OTUD7B: variants seen among roughly 807,000 people sequenced by gnomAD.
The protein encoded by OTUD7B is OTU domain-containing protein 7B.
A neutral mutation model predicts 82.2 loss-of-function variants in OTUD7B; 34 were observed. The observed-to-expected ratio is 0.41, with a 90% CI of 0.31 to 0.55. The LOEUF is 0.55. OTUD7B is among the 20% of genes least tolerant of loss of function. The pLI is 0.20. For synonymous variants in OTUD7B, 398 were observed against 402.7 expected (o/e 0.99, Z 0.14); for missense variants, 944 against 1,062.1 (o/e 0.89, Z 1.55).
chr1:149,950,067 GGAGT>G (rs1202060633), intron 8 of OTUD7B, 23 bp downstream of exon 8: 8 of 1,612,698 alleles, frequency 5.0e-6, no homozygotes, highest in Non-Finnish European at 6.8e-6. Context: ...TGCTCAGCAT[GGAGT>G]GAGGACTGAC....
At chr1:150,004,624 A>G (rs1652536673) in intron 1 of OTUD7B, among the ~76,000 whole-genome samples, 1 of 151,278 alleles carries the variant, frequency 6.6e-6, no homozygotes, top group African/African-American at 2.4e-5. Context: ...ATATATATAT[A>G]AACTTATAAG....
At chr1:150,049,380 C>T in the OTUD7B span, among the ~76,000 whole-genome samples, 1 of 152,032 alleles carries the variant, frequency 6.6e-6, no homozygotes, top group Non-Finnish European at 1.5e-5. Flanking sequence ...TAAATTAAAT[C>T]GTGGTTAGTC....
rs1553770355 is a variant in OTUD7B, at chr1:149,941,307, C to A, written c.*2550G>T. On this transcript the variant is annotated 3_prime_UTR_variant, in exon 12 of 12. Coordinates refer to ENST00000581312, the MANE Select transcript of OTUD7B (RefSeq NM_020205.4). ...TTTCCGGCTTTATTCTCTGGGAAAACCCCTGGTCTGTTTTCATTCCTATTG... is the reference window on the plus strand; with the variant it reads ...TTTCCGGCTTTATTCTCTGGGAAAAACCCTGGTCTGTTTTCATTCCTATTG... The A allele has an allele frequency of 6.6e-6, 1 of 152,178 alleles. No homozygotes were observed. Among genetic ancestry groups the A allele is most frequent in the East Asian group, 1.9e-4 (1 of 5,202 alleles). 9.4% of individuals were successfully genotyped at this position (152,178 alleles called of 1,614,324 possible).
chr1:150,054,081 ACTCAG>A, the OTUD7B span: 1 of 402,888 alleles, frequency 2.5e-6, no homozygotes, highest in Admixed American at 3.4e-5. Context: ...AAGAGGAAGT[ACTCAG>A]CTGTGAAATC....
chr1:150,024,719 C>G, the OTUD7B span, among the ~76,000 whole-genome samples: 2 of 152,216 alleles, frequency 1.3e-5, no homozygotes, highest in Non-Finnish European at 2.9e-5. Flanking sequence ...CTCTCAACAA[C>G]GCTTTCTTTA....
intron 7 of OTUD7B, among the ~76,000 whole-genome samples, chr1:149,951,893 C>CT (rs34263065): frequency 0.99 from 147,158 of 148,004 alleles, 73,157 homozygotes; most frequent in Middle Eastern, 1. Context: ...CATGGTCAAC[C>CT]TTTTTTTTTT....
chr1:150,015,056 T>C (rs587608335), upstream of OTUD7B, among the ~76,000 whole-genome samples: 1 of 152,246 alleles, frequency 6.6e-6, no homozygotes, highest in African/African-American at 2.4e-5. Context: ...ATTTTGTGTA[T>C]AGTACCTAGC....
intron 7 of OTUD7B, among the ~76,000 whole-genome samples, chr1:149,958,322 CT>C (rs34299927): frequency 5.8e-5 from 5 of 86,398 alleles, no homozygotes; most frequent in African/African-American, 1.8e-4. Flanking sequence ...AAAGGACTAC[CT>C]TTTTTTTTTT....
At chr1:150,016,965 T>G in the OTUD7B span, among the ~76,000 whole-genome samples, 1 of 152,190 alleles carries the variant, frequency 6.6e-6, no homozygotes, top group Non-Finnish European at 1.5e-5. Flanking sequence ...CAAGGCCCAA[T>G]CTGTATCACC....
chr1:150,039,308 GATTA>G, the OTUD7B span, among the ~76,000 whole-genome samples: 23 of 152,024 alleles, frequency 1.5e-4, no homozygotes, highest in South Asian at 4.2e-4. Context: ...TGAATTTAAT[GATTA>G]ATTGAGAGAT....
chr1:150,010,849 G>A (rs1053386421), upstream of OTUD7B, among the ~76,000 whole-genome samples: 2 of 152,106 alleles, frequency 1.3e-5, no homozygotes, highest in African/African-American at 4.8e-5. Context: ...CTTTAGCGCC[G>A]CTCCCCAGGC....
the OTUD7B span, among the ~76,000 whole-genome samples, chr1:150,064,527 C>T: frequency 6.6e-6 from 1 of 151,428 alleles, no homozygotes; most frequent in Non-Finnish European, 1.5e-5. Context: ...ACCCGCTACA[C>T]CTAGCTAATT....
chr1:149,981,710 T>C (rs188859305), intron 1 of OTUD7B, among the ~76,000 whole-genome samples: 49 of 152,304 alleles, frequency 3.2e-4, no homozygotes, highest in African/African-American at 1.2e-3. Context: ...TGTATAAACT[T>C]AACAGGCTGA....
the OTUD7B span, among the ~76,000 whole-genome samples, chr1:150,044,521 A>G: frequency 6.6e-6 from 1 of 151,614 alleles, no homozygotes; most frequent in Non-Finnish European, 1.5e-5. Flanking sequence ...GCATGAGCCC[A>G]CCACCTGGGG....
the OTUD7B span, among the ~76,000 whole-genome samples, chr1:150,057,098 A>G: frequency 6.6e-6 from 1 of 152,212 alleles, no homozygotes; most frequent in Non-Finnish European, 1.5e-5. Context: ...CATGATATTG[A>G]GAAGGCTACA....
chr1:149,945,181 A>T, intron 11 of OTUD7B, 116 bp from the exon 12 acceptor site: 1 of 1,369,094 alleles, frequency 7.3e-7, no homozygotes, highest in Non-Finnish European at 9.7e-7. Context: ...CCATGGCTAT[A>T]GAAATTAGCC....
intron 1 of OTUD7B, among the ~76,000 whole-genome samples, chr1:150,004,736 C>G (rs1349162074): frequency 6.6e-6 from 1 of 152,096 alleles, no homozygotes; most frequent in Non-Finnish European, 1.5e-5. Flanking sequence ...CTCACCGCCC[C>G]AAGAACATCT....
At chr1:150,047,895 T>C in the OTUD7B span, 1 of 151,738 alleles carries the variant, frequency 6.6e-6, no homozygotes, top group Admixed American at 6.6e-5. Context: ...GAGGTTGTAG[T>C]AAGACAAGAT....
the OTUD7B span, among the ~76,000 whole-genome samples, chr1:150,043,989 G>A: frequency 9.9e-5 from 15 of 152,100 alleles, no homozygotes; most frequent in Non-Finnish European, 1.6e-4. Context: ...ATGATGGCAC[G>A]TGCCTGTAGT....
Sources: gnomAD v4.1 joint callset for allele counts (sites outside exome capture counted in the v4.1 genomes callset) on GRCh38, gnomAD v4.1.1 for gene constraint, MANE v1.5 for transcripts, NCBI Gene and HGNC (gene_info 2026-07-23, HGNC 2026-07-21) for gene names.